HIVEP3: variants seen among roughly 807,000 people sequenced by gnomAD.
HIVEP3 encodes HIVEP zinc finger 3.
In HIVEP3, 49 loss-of-function variants were observed where a neutral mutation model predicts 152.8. The ratio of observed to expected loss-of-function variants is 0.32; its 90% confidence interval spans 0.26 to 0.41. The LOEUF is 0.41. Among genes scored for constraint, HIVEP3 ranks in the 10% least tolerant of loss-of-function variants. The pLI is 1.00. For missense variants in HIVEP3, 2,790 were observed against 3,103.3 expected (o/e 0.90, Z 2.40); for synonymous variants, 1,269 against 1,289.0 (o/e 0.98, Z 0.33).
At chr1:41,690,468 G>A (rs1256532688) in intron 2 of HIVEP3, among the ~76,000 whole-genome samples, 8 of 152,234 alleles carry the variant, frequency 5.3e-5, no homozygotes, top group South Asian at 2.1e-4. Context: ...GGAGCACCCC[G>A]CTTCCACGAG....
intron 1 of HIVEP3, among the ~76,000 whole-genome samples, chr1:41,854,306 G>A (rs992525082): frequency 6.6e-6 from 1 of 152,150 alleles, no homozygotes; most frequent in Non-Finnish European, 1.5e-5. Flanking sequence ...GCAGAGCCAG[G>A]CCCAGGTCTG....
intron 1 of HIVEP3, among the ~76,000 whole-genome samples, chr1:41,947,658 G>C (rs1055249772): frequency 1.3e-5 from 2 of 152,144 alleles, no homozygotes; most frequent in Admixed American, 1.3e-4. Context: ...CTTGCTAATG[G>C]GGCAAGACTT....
intron 1 of HIVEP3, among the ~76,000 whole-genome samples, chr1:41,987,879 C>G (rs765200698): frequency 1.3e-5 from 2 of 152,054 alleles, no homozygotes; most frequent in Non-Finnish European, 2.9e-5. Flanking sequence ...GAGAAGTGCA[C>G]AAGGGGAAAG....
chr1:41,690,476 G>A lies in HIVEP3; in HGVS notation c.-721+10440C>T, dbSNP rs541800776. ...GGGATGGGGAGCACCCCGCTTCCAC[G>A]AGCCTGAAGTGCCTGGTGCACCCTT... On this transcript the variant is annotated intron_variant, in intron 2 of 8. Coordinates refer to ENST00000372583, the MANE Select transcript of HIVEP3 (RefSeq NM_024503.5). Among the ~76,000 whole-genome samples, 102 of 152,326 alleles carry A rather than the reference G, an allele frequency of 6.7e-4. 1 individual carries two copies. Among genetic ancestry groups the A allele is most frequent in the African/African-American group, 2.2e-3 (92 of 41,566 alleles).
At chr1:41,860,540 G>T (rs1251832440) in intron 1 of HIVEP3, among the ~76,000 whole-genome samples, 1 of 152,220 alleles carries the variant, frequency 6.6e-6, no homozygotes, top group Non-Finnish European at 1.5e-5. Flanking sequence ...GAATTCCATT[G>T]TGTTTGTAGT....
At chr1:41,574,517 C>T (rs1215919550) in intron 5 of HIVEP3, among the ~76,000 whole-genome samples, 2 of 152,144 alleles carry the variant, frequency 1.3e-5, no homozygotes, top group Non-Finnish European at 2.9e-5. Flanking sequence ...CCAGAAGATG[C>T]CAACTGGTGG....
intron 1 of HIVEP3, among the ~76,000 whole-genome samples, chr1:41,705,704 G>A (rs1376777623): frequency 2.0e-5 from 3 of 152,196 alleles, no homozygotes; most frequent in Non-Finnish European, 4.4e-5. Flanking sequence ...GAATGCTTTT[G>A]AAAGGCAACT....
intron 1 of HIVEP3, among the ~76,000 whole-genome samples, chr1:41,860,646 T>G (rs1441465777): frequency 6.6e-6 from 1 of 152,154 alleles, no homozygotes; most frequent in African/African-American, 2.4e-5. Flanking sequence ...TTTGCAAAAA[T>G]TTTGCAGTGT....
intron 1 of HIVEP3, among the ~76,000 whole-genome samples, chr1:41,895,464 G>C (rs1644512664): frequency 6.6e-6 from 1 of 152,184 alleles, no homozygotes; most frequent in Non-Finnish European, 1.5e-5. Context: ...AGAGGCAAAG[G>C]TGCTTAGGTT....
intron 1 of HIVEP3, among the ~76,000 whole-genome samples, chr1:41,779,164 C>T (rs1006298755): frequency 6.6e-6 from 1 of 152,200 alleles, no homozygotes; most frequent in Non-Finnish European, 1.5e-5. Context: ...CCACCCCCTC[C>T]TGCTGTCCCC....
chr1:42,014,810 G>A (rs150965221), intron 1 of HIVEP3, among the ~76,000 whole-genome samples: 3 of 152,158 alleles, frequency 2.0e-5, no homozygotes, highest in African/African-American at 7.2e-5. Flanking sequence ...AATTTAATAC[G>A]TTAAAGAAGG....
intron 6 of HIVEP3, among the ~76,000 whole-genome samples, chr1:41,518,914 G>A (rs896800324): frequency 6.6e-6 from 1 of 151,094 alleles, no homozygotes; most frequent in Non-Finnish European, 1.5e-5. Context: ...GTGGGATGAC[G>A]TGGGAGGCTC....
At chr1:41,905,485 G>A (rs1159146573) in intron 1 of HIVEP3, among the ~76,000 whole-genome samples, 1 of 152,198 alleles carries the variant, frequency 6.6e-6, no homozygotes, top group African/African-American at 2.4e-5. Context: ...TTCTTGTCCA[G>A]TCATTCAACA....
At chr1:41,645,581 C>T (rs1261482070) in intron 2 of HIVEP3, among the ~76,000 whole-genome samples, 1 of 152,214 alleles carries the variant, frequency 6.6e-6, no homozygotes, top group African/African-American at 2.4e-5. Flanking sequence ...TAGTATGTAT[C>T]ACCACTGTAA....
chr1:41,845,021 G>C (rs1643397322), intron 1 of HIVEP3, among the ~76,000 whole-genome samples: 1 of 152,116 alleles, frequency 6.6e-6, no homozygotes, highest in Non-Finnish European at 1.5e-5. Context: ...TTCCCTCTGT[G>C]GGAGCTCCAT....
chr1:41,806,610 C>T (rs1484230565), intron 1 of HIVEP3, among the ~76,000 whole-genome samples: 5 of 152,242 alleles, frequency 3.3e-5, no homozygotes, highest in Admixed American at 6.5e-5. Flanking sequence ...CGGCACATGG[C>T]GAGGGCCAGC....
intron 2 of HIVEP3, among the ~76,000 whole-genome samples, chr1:41,645,108 G>T (rs1645439186): frequency 6.6e-6 from 1 of 152,116 alleles, no homozygotes. Flanking sequence ...TCCAGGCAGA[G>T]AATCCTTGGT....
intron 2 of HIVEP3, among the ~76,000 whole-genome samples, chr1:41,684,520 C>T (rs923495635): frequency 3.9e-5 from 6 of 152,288 alleles, no homozygotes; most frequent in African/African-American, 1.4e-4. Context: ...CCTGTGCAGG[C>T]CGAAGGTTCA....
intron 2 of HIVEP3, among the ~76,000 whole-genome samples, chr1:41,689,914 G>A (rs917457215): frequency 7.9e-5 from 12 of 152,244 alleles, no homozygotes; most frequent in East Asian, 1.9e-4. Flanking sequence ...TCCCAGTCCC[G>A]TGGTCACAGA....
Sources: allele counts gnomAD v4.1 joint callset (sites outside exome capture counted in the v4.1 genomes callset), GRCh38; gene constraint gnomAD v4.1.1; transcripts MANE v1.5; gene names NCBI Gene and HGNC (gene_info 2026-07-23, HGNC 2026-07-21).